GAS7: variants seen among roughly 807,000 people sequenced by gnomAD.
GAS7 encodes growth arrest specific 7.
A neutral mutation model predicts 71.1 loss-of-function variants in GAS7; 28 were observed. The observed-to-expected ratio is 0.39, with a 90% CI of 0.29 to 0.54. GAS7 has a LOEUF of 0.54. GAS7 is among the 20% of genes least tolerant of loss of function. The probability of loss-of-function intolerance (pLI) is 0.62; values close to 1 mark genes in which losing one functional copy is unlikely to be tolerated. For missense variants in GAS7, 436 were observed against 627.8 expected, an observed-to-expected ratio of 0.69 and a Z score of 3.27; for synonymous variants, 258 against 245.8, an observed-to-expected ratio of 1.05 and a Z score of -0.46.
At chr17:10,028,126 A>G (rs2072515799) in intron 1 of GAS7, among the ~76,000 whole-genome samples, 1 of 152,174 alleles carries the variant, frequency 6.6e-6, no homozygotes, top group Admixed American at 6.5e-5. Flanking sequence ...GATGGTCTCG[A>G]TCTCTTGACC....
Position 9,919,347 on chromosome 17 carries a change from T to C in GAS7, c.1218+279A>G, listed in dbSNP as rs73974337. 8.1e-4 allele frequency among the ~76,000 whole-genome samples: 123 copies of C among 151,890 alleles called. No individual in the cohort carries two copies. Among genetic ancestry groups the C allele is most frequent in the African/African-American group, 2.8e-3 (115 of 41,432 alleles). ...CCCTTGTCCACTTAGTTGAGGAGAG[T>C]CCTCAGTTGACCCTGACCTCTCAGG... On this transcript the variant is annotated intron_variant, in intron 12 of 13. Coordinates refer to ENST00000432992, the MANE Select transcript of GAS7 (RefSeq NM_201433.2). This position sits in a 1 kb window ranked among gnomAD's most constrained non-coding sequence, Gnocchi z 5.0.
chr17:9,999,793 A>G (rs1198425482), intron 2 of GAS7, among the ~76,000 whole-genome samples: 3 of 152,220 alleles, frequency 2.0e-5, no homozygotes, highest in African/African-American at 7.2e-5. Context: ...CTCAAACGTC[A>G]AAAATGGCAT....
intron 1 of GAS7, among the ~76,000 whole-genome samples, chr17:10,168,999 C>T (rs1455231377): frequency 6.9e-6 from 1 of 144,210 alleles, no homozygotes; most frequent in Non-Finnish European, 1.5e-5. Flanking sequence ...GTAATTAGGC[C>T]AGGTGCAGTG....
At chr17:9,938,374 G>A (rs1475236303) in intron 8 of GAS7, among the ~76,000 whole-genome samples, 1 of 151,112 alleles carries the variant, frequency 6.6e-6, no homozygotes, top group Non-Finnish European at 1.5e-5. Context: ...CAGGTATGGT[G>A]GCACATGCCT....
intron 3 of GAS7, among the ~76,000 whole-genome samples, chr17:9,975,530 C>T (rs547273742): frequency 7.0e-6 from 1 of 143,694 alleles, no homozygotes; most frequent in African/African-American, 2.7e-5. Flanking sequence ...CCTTCTTTCT[C>T]ACCCCCCCCT....
At chr17:9,967,420 C>A (rs1041502567) in intron 4 of GAS7, among the ~76,000 whole-genome samples, 6 of 39,348 alleles carry the variant, frequency 1.5e-4, no homozygotes, top group African/African-American at 6.6e-4. Flanking sequence ...CCAGTAGCAC[C>A]CCCCCTCCCC....
intron 5 of GAS7, among the ~76,000 whole-genome samples, chr17:9,954,281 GA>G (rs753285438): frequency 6.6e-6 from 1 of 152,194 alleles, no homozygotes; most frequent in Non-Finnish European, 1.5e-5. Context: ...ACTGAGCTGA[GA>G]GGGGGTCTTG....
intron 1 of GAS7, among the ~76,000 whole-genome samples, chr17:10,158,176 A>G (rs2074219393): frequency 6.6e-6 from 1 of 151,744 alleles, no homozygotes. Context: ...ACACCTGGCT[A>G]ATTTTTTTGT....
chr17:10,149,926 T>C (rs1319784475), intron 1 of GAS7, among the ~76,000 whole-genome samples: 1 of 151,800 alleles, frequency 6.6e-6, no homozygotes. Flanking sequence ...AATCGATTAG[T>C]AGTTGTTGGT....
intron 5 of GAS7, among the ~76,000 whole-genome samples, chr17:9,953,992 G>A (rs1361183234): frequency 1.3e-5 from 2 of 152,202 alleles, no homozygotes; most frequent in African/African-American, 4.8e-5. Flanking sequence ...ACCTGCCAGT[G>A]GAGTAAGCCT....
intron 1 of GAS7, among the ~76,000 whole-genome samples, chr17:10,070,242 G>T (rs976601425): frequency 6.7e-6 from 1 of 149,832 alleles, no homozygotes; most frequent in Admixed American, 6.7e-5. Flanking sequence ...TCATTTATTC[G>T]CCAACTTTTG....
At chr17:10,067,585 C>T (rs908551150) in intron 1 of GAS7, among the ~76,000 whole-genome samples, 1 of 152,178 alleles carries the variant, frequency 6.6e-6, no homozygotes, top group Non-Finnish European at 1.5e-5. Context: ...CCCCCACCCC[C>T]TCTGGCTAGG....
chr17:10,056,293 G>A (rs543928131), intron 1 of GAS7, among the ~76,000 whole-genome samples: 2 of 151,916 alleles, frequency 1.3e-5, no homozygotes, highest in Non-Finnish European at 2.9e-5. Context: ...CCAGGAGTTC[G>A]AAACCAGCCT....
chr17:9,945,699 G>A (rs938906065), intron 6 of GAS7, among the ~76,000 whole-genome samples: 9 of 151,638 alleles, frequency 5.9e-5, no homozygotes, highest in East Asian at 3.9e-4. Context: ...GGCTGGGCAC[G>A]ATGGCTCATG....
At chr17:10,048,105 T>C (rs1365069184) in intron 1 of GAS7, among the ~76,000 whole-genome samples, 2 of 152,166 alleles carry the variant, frequency 1.3e-5, no homozygotes, top group Non-Finnish European at 2.9e-5. Flanking sequence ...AGTTCAAGGC[T>C]AGCCTGGTGA....
intron 6 of GAS7, among the ~76,000 whole-genome samples, chr17:9,946,051 T>C (rs1180960554): frequency 6.6e-6 from 1 of 152,196 alleles, no homozygotes; most frequent in Non-Finnish European, 1.5e-5. Flanking sequence ...CTTGGAGTCT[T>C]TGGACACTTG....
intron 1 of GAS7, among the ~76,000 whole-genome samples, chr17:10,148,590 C>T (rs1434712756): frequency 6.7e-6 from 1 of 148,272 alleles, no homozygotes; most frequent in Non-Finnish European, 1.5e-5. Context: ...TGCACTCCAG[C>T]CTGGGCAACA....
intron 1 of GAS7, among the ~76,000 whole-genome samples, chr17:10,023,652 C>G (rs774889922): frequency 1.3e-5 from 2 of 152,212 alleles, no homozygotes; most frequent in Non-Finnish European, 2.9e-5. Context: ...GCCATAGAGA[C>G]AGAAACAGAT....
rs1311569556 is a variant in GAS7 at position 10,126,495 on chromosome 17, TACAC to T, written c.183+71709_183+71712del. ...ACACGCACACTCACACCCACTCACATACACACAAACACGTATCACACACGCACAC... is the reference window on the plus strand; with the variant it reads ...ACACGCACACTCACACCCACTCACATACAAACACGTATCACACACGCACAC... On this transcript the variant is annotated intron_variant, in intron 1 of 13. Coordinates refer to ENST00000432992, the MANE Select transcript of GAS7 (RefSeq NM_201433.2). 6.1e-5 allele frequency among the ~76,000 whole-genome samples: 9 copies of T among 146,654 alleles called. No homozygotes were observed. The South Asian group carries it at 6.5e-4, about 11-fold the overall frequency.
Sources: gnomAD v4.1 joint callset for allele counts (sites outside exome capture counted in the v4.1 genomes callset) on GRCh38, gnomAD v4.1.1 for gene constraint, Gnocchi (gnomAD v3.1) non-coding constraint, MANE v1.5 for transcripts, NCBI Gene and HGNC (gene_info 2026-07-23, HGNC 2026-07-21) for gene names.